Variants in GRIK2 observed in about 807,000 individuals in gnomAD.
GRIK2 encodes the protein glutamate ionotropic receptor kainate type subunit 2, also known as glutamate receptor ionotropic, kainate 2.
Under a neutral mutation model 100.3 loss-of-function variants are expected in GRIK2, and 32 were observed. The observed-to-expected ratio is 0.32, with a 90% confidence interval of 0.24 to 0.43. GRIK2 has a LOEUF of 0.43. Ranked by LOEUF, GRIK2 falls within the 20% of genes least tolerant of loss-of-function variation. GRIK2 has a pLI of 1.00. For synonymous variants in GRIK2, 417 were observed against 389.4 expected, an observed-to-expected ratio of 1.07 and a Z score of -0.83; for missense variants, 843 against 1,114.9, an observed-to-expected ratio of 0.76 and a Z score of 3.47.
intron 15 of GRIK2, among the ~76,000 whole-genome samples, chr6:102,048,514 GA>G (rs972447339): frequency 6.6e-6 from 1 of 152,008 alleles, no homozygotes; most frequent in African/African-American, 2.4e-5. Flanking sequence ...TGAATAGCAA[GA>G]AAAAATTATT....
chr6:101,447,066 T>A (rs551007957), intron 2 of GRIK2, among the ~76,000 whole-genome samples: 4 of 149,188 alleles, frequency 2.7e-5, no homozygotes, highest in African/African-American at 9.7e-5. Flanking sequence ...TGTATATATA[T>A]ATTACAGTAG....
chr6:102,034,336 T>A (rs12201018), intron 14 of GRIK2, among the ~76,000 whole-genome samples: 1 of 151,358 alleles, frequency 6.6e-6, no homozygotes, highest in Admixed American at 6.6e-5. Flanking sequence ...TCCTTGCACA[T>A]GTAGAAATAA....
At chr6:101,452,346 T>C (rs778832834) in intron 2 of GRIK2, among the ~76,000 whole-genome samples, 29 of 151,878 alleles carry the variant, frequency 1.9e-4, no homozygotes, top group Non-Finnish European at 3.5e-4. Context: ...CTTGGCTGCA[T>C]ATGAAAATCA....
intron 7 of GRIK2, among the ~76,000 whole-genome samples, chr6:101,690,133 C>T (rs754785574): frequency 2.6e-5 from 4 of 152,096 alleles, no homozygotes; most frequent in African/African-American, 7.2e-5. Context: ...AGCTATATCC[C>T]AGAAATCCTT....
chr6:101,752,717 A>C (rs750714935), intron 7 of GRIK2, among the ~76,000 whole-genome samples: 1 of 152,200 alleles, frequency 6.6e-6, no homozygotes. Context: ...AACAAACATA[A>C]GAGTCTCAGA....
At chr6:101,696,727 T>C (rs1772515635) in intron 7 of GRIK2, among the ~76,000 whole-genome samples, 1 of 151,852 alleles carries the variant, frequency 6.6e-6, no homozygotes, top group Non-Finnish European at 1.5e-5. Flanking sequence ...ATTTTATAGA[T>C]TCAGAAACAT....
At chr6:101,622,167 G>C (rs1374794326) in intron 3 of GRIK2, 51 bp downstream of exon 3, 1 of 1,086,762 alleles carries the variant, frequency 9.2e-7, no homozygotes, top group Non-Finnish European at 1.4e-6. Flanking sequence ...AAATTTCTAG[G>C]TATTCTTAAG....
At chr6:101,972,177 C>T (rs1028514176) in intron 14 of GRIK2, among the ~76,000 whole-genome samples, 1 of 151,882 alleles carries the variant, frequency 6.6e-6, no homozygotes, top group Non-Finnish European at 1.5e-5. Flanking sequence ...CTCCAAATGG[C>T]TTTCCACAGT....
intron 2 of GRIK2, among the ~76,000 whole-genome samples, chr6:101,458,948 C>T (rs544821079): frequency 5.3e-5 from 8 of 152,042 alleles, no homozygotes; most frequent in East Asian, 3.9e-4. Context: ...TGATTATGAC[C>T]GCAAATTTCT....
chr6:101,498,314 G>A (rs1773559402), intron 2 of GRIK2, among the ~76,000 whole-genome samples: 1 of 151,948 alleles, frequency 6.6e-6, no homozygotes, highest in Non-Finnish European at 1.5e-5. Context: ...TGTGAATAGT[G>A]ACGCAATAAA....
intron 2 of GRIK2, among the ~76,000 whole-genome samples, chr6:101,441,034 G>A (rs1770019811): frequency 6.7e-6 from 1 of 149,764 alleles, no homozygotes; most frequent in African/African-American, 2.5e-5. Context: ...ACAGATTGCA[G>A]TGTTGCAATC....
At chr6:102,030,867 A>G (rs1005165521) in intron 14 of GRIK2, among the ~76,000 whole-genome samples, 1 of 151,010 alleles carries the variant, frequency 6.6e-6, no homozygotes, top group African/African-American at 2.4e-5. Flanking sequence ...TCTGAACTCC[A>G]GACTTAATGT....
chr6:101,944,431 T>C (rs951645777), intron 14 of GRIK2, among the ~76,000 whole-genome samples: 9 of 152,212 alleles, frequency 5.9e-5, no homozygotes, highest in African/African-American at 2.2e-4. Context: ...GTGCTATGAC[T>C]CATTGCCAGT....
At chr6:101,508,958 A>G (rs1025171056) in intron 2 of GRIK2, among the ~76,000 whole-genome samples, 3 of 152,200 alleles carry the variant, frequency 2.0e-5, no homozygotes, top group African/African-American at 7.2e-5. Context: ...GATCGAGACC[A>G]TCCTGGCTAA....
intron 10 of GRIK2, among the ~76,000 whole-genome samples, chr6:101,857,810 A>G (rs937587345): frequency 1.3e-5 from 2 of 152,206 alleles, no homozygotes; most frequent in African/African-American, 4.8e-5. Context: ...CAAATTTCTC[A>G]TAGGGCCTAA....
At chr6:101,828,264 G>A (rs1198220134) in intron 10 of GRIK2, among the ~76,000 whole-genome samples, 1 of 151,896 alleles carries the variant, frequency 6.6e-6, no homozygotes, top group Admixed American at 6.6e-5. Flanking sequence ...AAAACCTCTG[G>A]AATGTGTGAA....
rs567452238 is a variant in GRIK2 at position 101,496,693 on chromosome 6, AT to A, written c.115+97302del. ...ACTTTCAAACAAATCATGGACAAAC[AT>A]GTATTTTTGGGTTTTGTAATGTTTA... On this transcript the variant is annotated intron_variant, in intron 2 of 16. Transcript: ENST00000369134. 2.0e-5 allele frequency among the ~76,000 whole-genome samples: 3 copies of A among 152,294 alleles called. No individual in the cohort carries two copies. The East Asian group carries it at 5.8e-4, about 30-fold the overall frequency.
Position 101,802,431 on chromosome 6 carries a change from T to C in GRIK2, c.1196T>C (p.Leu399Pro), listed in dbSNP as rs1192901239. The C allele has an allele frequency of 4.1e-6, 6 of 1,466,196 alleles. No homozygotes were observed. In the Admixed American group the frequency reaches 1.2e-4, roughly 28 times the overall value. 90.8% of individuals were successfully genotyped at this position (1,466,196 alleles called of 1,614,324 possible). A position where few individuals can be genotyped will look rare whatever the true frequency, so the allele number is the denominator to read the frequency against. ...GTGATCAGTCTGAAGGAAGAAGGTC[T>C]AGAAAAGGTATTTCAGTGAGCTTAT... is the stretch of plus-strand genomic sequence containing the variant. ...LDVISLKEEG[L>P]EKIGTWDPAS... Residue 399 changes from leucine to proline, a missense_variant, in exon 9 of 17, where the codon CTA becomes CCA. By Grantham distance (98) the Leu-to-Pro change is moderately conservative. This residue lies in a region of GRIK2 where 519 missense variants were observed against 643.8 expected (regional missense o/e 0.81). Transcript: ENST00000369134.
chr6:101,822,375 G>T (rs150944542), intron 10 of GRIK2, among the ~76,000 whole-genome samples: 11 of 151,952 alleles, frequency 7.2e-5, no homozygotes, highest in Admixed American at 6.6e-5. Flanking sequence ...CACAGTAGAA[G>T]AATAGACAGC....
Sources: allele counts gnomAD v4.1 joint callset (sites outside exome capture counted in the v4.1 genomes callset), GRCh38; gene constraint gnomAD v4.1.1; regional missense constraint gnomAD v4.1.1; transcripts MANE v1.5; gene names NCBI Gene and HGNC (gene_info 2026-07-23, HGNC 2026-07-21).